The following TMEM150C variants were observed in gnomAD, a reference collection of about 807,000 sequenced individuals.
TMEM150C encodes transmembrane protein 150C.
Under a neutral mutation model 29.9 loss-of-function variants are expected in TMEM150C, and 10 were observed. That is an observed-to-expected ratio of 0.33 (90% CI 0.21 to 0.57). TMEM150C has a LOEUF of 0.57. TMEM150C is among the 20% of genes least tolerant of loss of function. The pLI, the probability that TMEM150C is intolerant of heterozygous loss-of-function variation, is 0.88. For missense variants in TMEM150C, 251 were observed against 303.6 expected (o/e 0.83, Z 1.29); for synonymous variants, 101 against 112.5 (o/e 0.90, Z 0.64).
intron 1 of TMEM150C, among the ~76,000 whole-genome samples, chr4:82,545,003 G>A (rs1278060963): frequency 6.6e-6 from 1 of 152,060 alleles, no homozygotes; most frequent in Non-Finnish European, 1.5e-5. Flanking sequence ...ACTGGAACTA[G>A]TCAAAAAATC....
chr4:82,521,686 A>G (rs1724489971), intron 1 of TMEM150C, among the ~76,000 whole-genome samples: 1 of 152,228 alleles, frequency 6.6e-6, no homozygotes, highest in African/African-American at 2.4e-5. Context: ...AAGGAAATGC[A>G]AAATGTTTGT....
chr4:82,508,826 T>C (rs763899397), intron 1 of TMEM150C, among the ~76,000 whole-genome samples: 8 of 152,194 alleles, frequency 5.3e-5, no homozygotes, highest in Non-Finnish European at 1.2e-4. Flanking sequence ...CCAATAATAC[T>C]TCACAGTAAA....
In TMEM150C at chr4:82,496,961, G is replaced by A. The variant is rs139933986; in HGVS notation, c.236-766C>T. Among the ~76,000 whole-genome samples, 23 of 152,260 alleles carry A rather than the reference G, an allele frequency of 1.5e-4. 1 individual carries two copies. The highest frequency in any genetic ancestry group is 5.1e-4 in the African/African-American group (21 of 41,544). ...AGGGATTTGGTATGTACTAAAAATC[G>A]TACCTAGTATATCAAGAAAACTCAA... is the stretch of plus-strand genomic sequence containing the variant. On this transcript the variant is annotated intron_variant, in intron 5 of 7. Transcript: ENST00000449862.
chr4:82,535,288 G>A (rs1053614828), intron 1 of TMEM150C, among the ~76,000 whole-genome samples: 1 of 152,160 alleles, frequency 6.6e-6, no homozygotes, highest in Non-Finnish European at 1.5e-5. Context: ...GGTGTCAAAT[G>A]GTGGGGAAGG....
At chr4:82,546,148 G>A (rs1725379196) in intron 1 of TMEM150C, among the ~76,000 whole-genome samples, 1 of 152,104 alleles carries the variant, frequency 6.6e-6, no homozygotes, top group Non-Finnish European at 1.5e-5. Context: ...TTATTAAAAT[G>A]GCTGTTCTTC....
intron 1 of TMEM150C, among the ~76,000 whole-genome samples, chr4:82,550,414 C>T (rs1033757021): frequency 1.1e-4 from 16 of 152,040 alleles, no homozygotes; most frequent in Admixed American, 3.3e-4. Flanking sequence ...AACAGAGATA[C>T]AGATGGATAT....
rs889728299 is a variant in TMEM150C, at chr4:82,526,917, T to C, written c.-10-22250A>G. Among the ~76,000 whole-genome samples, 3 of 151,864 alleles carry C rather than the reference T, an allele frequency of 2.0e-5. No homozygotes were observed. In the East Asian group the frequency reaches 5.8e-4, roughly 29 times the overall value. The stretch of plus-strand genomic sequence containing the variant: ...TTAAGAATCATGATTTTGTCTCCCC[T>C]GGCATGTCTTCCCCGTGTAATTCTT... On this transcript the variant is annotated intron_variant, in intron 1 of 7. Coordinates refer to ENST00000449862, the MANE Select transcript of TMEM150C (RefSeq NM_001080506.3).
intron 1 of TMEM150C, among the ~76,000 whole-genome samples, chr4:82,523,787 C>T (rs2110079677): frequency 1.3e-5 from 2 of 151,926 alleles, no homozygotes; most frequent in African/African-American, 4.8e-5. Flanking sequence ...AAGTGATTCT[C>T]CTGCCTGAGT....
intron 1 of TMEM150C, among the ~76,000 whole-genome samples, chr4:82,523,208 C>A (rs1176248224): frequency 1.3e-5 from 2 of 152,042 alleles, no homozygotes; most frequent in African/African-American, 4.8e-5. Context: ...AAGAGGCTCC[C>A]CCGTACACAG....
rs1228874577 is a variant in TMEM150C at position 82,490,215 on chromosome 4, A to G, written c.387T>C (p.His129=). 1.9e-6 allele frequency: 3 copies of G among 1,613,852 alleles called. No individual in the cohort carries two copies. The highest frequency in any genetic ancestry group is 3.3e-5 in the Admixed American group (2 of 59,990). ...CAAAGGTCAAGGAAGTTCCGACGTT[A>G]TGGATTTCTTCATCATTTGTGAGCT... ...NFQLTNDEEI[H]NVGTSLTFGF... Residue 129 remains histidine (H), a synonymous_variant, in exon 7 of 8, where the codon CAT becomes CAC. Transcript: ENST00000449862.
At chr4:82,526,063 C>A (rs1724643665) in intron 1 of TMEM150C, among the ~76,000 whole-genome samples, 1 of 152,114 alleles carries the variant, frequency 6.6e-6, no homozygotes, top group African/African-American at 2.4e-5. Flanking sequence ...CTCCACCACA[C>A]CTGGCTAATT....
chr4:82,500,511 T>C (rs774129938), intron 5 of TMEM150C, among the ~76,000 whole-genome samples: 1 of 152,194 alleles, frequency 6.6e-6, no homozygotes, highest in Non-Finnish European at 1.5e-5. Flanking sequence ...TGATGAAAGA[T>C]AATACAGAAT....
intron 1 of TMEM150C, among the ~76,000 whole-genome samples, chr4:82,523,518 G>A (rs1403357356): frequency 3.3e-5 from 5 of 152,140 alleles, no homozygotes; most frequent in Non-Finnish European, 4.4e-5. Flanking sequence ...TGCAGGAATC[G>A]CCATTTTGGG....
chr4:82,490,781 C>A, intron 6 of TMEM150C: 1 of 413,262 alleles, frequency 2.4e-6, no homozygotes, highest in South Asian at 2.1e-5. Flanking sequence ...ATTTGTATTA[C>A]TTTAATTGTT....
intron 1 of TMEM150C, among the ~76,000 whole-genome samples, chr4:82,548,300 C>T (rs1439687842): frequency 6.6e-6 from 1 of 152,146 alleles, no homozygotes; most frequent in Non-Finnish European, 1.5e-5. Context: ...ATTTAGGTAA[C>T]AAACTTGGAC....
chr4:82,503,780 G>A (rs1354981514), intron 2 of TMEM150C, among the ~76,000 whole-genome samples: 2 of 152,022 alleles, frequency 1.3e-5, no homozygotes, highest in African/African-American at 4.8e-5. Context: ...AACCCAGGAG[G>A]CAGAGCTTGC....
At chr4:82,492,864 G>GTATATATATATATATATATATATATA (rs58169287) in intron 6 of TMEM150C, among the ~76,000 whole-genome samples, 2 of 90,284 alleles carry the variant, frequency 2.2e-5, no homozygotes, top group Non-Finnish European at 4.4e-5. Context: ...ATATGTTTGT[G>GTATATATATATATATATATATATATA]TATATATATA....
intron 1 of TMEM150C, among the ~76,000 whole-genome samples, chr4:82,554,757 C>A (rs1436681753): frequency 6.6e-6 from 1 of 152,156 alleles, no homozygotes; most frequent in East Asian, 1.9e-4. Context: ...ATTTCCTATA[C>A]CGCCATAGTT....
chr4:82,537,666 A>G (rs1725055939), intron 1 of TMEM150C, among the ~76,000 whole-genome samples: 1 of 152,240 alleles, frequency 6.6e-6, no homozygotes, highest in African/African-American at 2.4e-5. Flanking sequence ...GATCTTGAGA[A>G]GTGATCTTCC....
Sources: gnomAD v4.1 joint callset for allele counts (sites outside exome capture counted in the v4.1 genomes callset) on GRCh38, gnomAD v4.1.1 for gene constraint, MANE v1.5 for transcripts, NCBI Gene and HGNC (gene_info 2026-07-23, HGNC 2026-07-21) for gene names.